The following ADGRV1 variants were observed in gnomAD, a reference collection of about 807,000 sequenced individuals.
ADGRV1 encodes G-protein coupled receptor 98.
In ADGRV1, 359 loss-of-function variants were observed where a neutral mutation model predicts 596.2. That is an observed-to-expected ratio of 0.60 (90% CI 0.55 to 0.66). The LOEUF (loss-of-function observed/expected upper bound fraction) is 0.66, where lower values mean the gene tolerates loss of function less well. Ranked by LOEUF, ADGRV1 falls within the 30% of genes least tolerant of loss-of-function variation. The pLI is 0.00. For missense variants in ADGRV1, 7,274 were observed against 7,575.6 expected (o/e 0.96, Z 1.48); for synonymous variants, 2,681 against 2,679.2 (o/e 1.00, Z -0.02).
At chr5:90,778,173 A>T (rs979296728) in intron 62 of ADGRV1, 130 bp downstream of exon 62, 1 of 1,069,178 alleles carries the variant, frequency 9.4e-7, no homozygotes, top group African/African-American at 1.6e-5. Context: ...GGGAGGAGGT[A>T]AATATTACAG....
intron 59 of ADGRV1, 114 bp from the exon 60 acceptor site, chr5:90,774,072 A>G (rs1757963251): frequency 2.2e-6 from 1 of 446,176 alleles, no homozygotes; most frequent in Admixed American, 4.2e-5. Flanking sequence ...TCTAGTGACA[A>G]AAAAGACACC....
chr5:90,653,673 A>G lies in ADGRV1; in HGVS notation c.4099A>G (p.Thr1367Ala), dbSNP rs1421161904. The change falls in exon 20 of 90, where the codon ACG becomes GCG. Residue 1367 changes from threonine to alanine, a missense_variant. Physicochemically the swap from Thr to Ala is moderately conservative, Grantham distance 58. Around this residue, in one of 5 missense-constraint regions of ADGRV1, gnomAD observed 1,715 missense variants for 1,708.8 expected, o/e 1.00. Transcript: ENST00000405460. ...FSAWVMPNAN[T>A]NGFIIAKDDG... ...AGCTTGGGTAATGCCCAATGCCAATACGAATGGATTCATTATAGCGAAGGA... is the reference window on the plus strand; with the variant it reads ...AGCTTGGGTAATGCCCAATGCCAATGCGAATGGATTCATTATAGCGAAGGA... 1 of 1,613,290 alleles carries G rather than the reference A, an allele frequency of 6.2e-7. No homozygotes were observed. Among genetic ancestry groups the G allele is most frequent in the Non-Finnish European group, 8.5e-7 (1 of 1,179,684 alleles).
At chr5:90,751,774 T>C (rs1390036777) in intron 53 of ADGRV1, among the ~76,000 whole-genome samples, 2 of 152,328 alleles carry the variant, frequency 1.3e-5, no homozygotes, top group Non-Finnish European at 1.5e-5. Flanking sequence ...TCTAGGTTTC[T>C]GTATTATTTC....
At position 90,690,214 on chromosome 5, in the gene ADGRV1, C is replaced by G. The variant is rs1301047897; in HGVS notation, c.6706+138C>G. The G allele has an allele frequency of 1.5e-5, 9 of 608,044 alleles. No homozygotes were observed. In the East Asian group the frequency reaches 2.2e-4, roughly 15 times the overall value. 37.7% of individuals were successfully genotyped at this position (608,044 alleles called of 1,614,324 possible). On this transcript the variant is annotated intron_variant, in intron 30 of 89. Coordinates refer to ENST00000405460, the MANE Select transcript of ADGRV1 (RefSeq NM_032119.4). ...CTGCTGTTACTGACATATAGGACAT[C>G]TGTACACAGTTATTGGCAGTTGTTA...
chr5:91,105,964 AGCCTG>A (rs1204051004), intron 87 of ADGRV1, among the ~76,000 whole-genome samples: 1 of 150,882 alleles, frequency 6.6e-6, no homozygotes, highest in African/African-American at 2.4e-5. Flanking sequence ...TATATTTAAT[AGCCTG>A]TAAAATCTTT....
intron 85 of ADGRV1, among the ~76,000 whole-genome samples, chr5:91,043,660 G>A (rs967129608): frequency 2.0e-5 from 3 of 152,068 alleles, no homozygotes; most frequent in Non-Finnish European, 2.9e-5. Context: ...GATTAAATAA[G>A]TTATTCTAAG....
intron 83 of ADGRV1, among the ~76,000 whole-genome samples, chr5:90,880,643 G>A (rs1769670731): frequency 6.6e-6 from 1 of 152,058 alleles, no homozygotes; most frequent in South Asian, 2.1e-4. Context: ...TCCAGTTTTT[G>A]ATGATTTTTA....
At position 90,774,201 on chromosome 5, in the gene ADGRV1, A is replaced by T. The variant is rs1477205020; in HGVS notation, c.12301A>T (p.Thr4101Ser). 6.2e-7 allele frequency: 1 copy of T among 1,601,706 alleles called. No individual in the cohort carries two copies. The highest frequency in any genetic ancestry group is 8.5e-7 in the Non-Finnish European group (1 of 1,171,054). Residue 4101 changes from threonine to serine, a missense_variant, in exon 60 of 90, where the codon ACC becomes TCC. Transcript: ENST00000405460. ...LHFDETESQK[T>S]IVLHTLQDTV... ...TTGGATGTAGACTGAGTCCCAGAAGACCATTGTGTTGCACACACTTCAAGA... is the reference window on the plus strand; with the variant it reads ...TTGGATGTAGACTGAGTCCCAGAAGTCCATTGTGTTGCACACACTTCAAGA...
Position 90,647,658 on chromosome 5 carries a change from C to A in ADGRV1, c.3183C>A (p.Leu1061=), listed in dbSNP as rs1312718600. ...TTCCTGTTGAAAAAGGAGAAACGCTCATTTTTGAGGTTGGAAGTAGACAGC... is the reference window on the plus strand; with the variant it reads ...TTCCTGTTGAAAAAGGAGAAACGCTAATTTTTGAGGTTGGAAGTAGACAGC... ...DFIPVEKGET[L]IFEVGSRQQS... Residue 1061 remains leucine, a synonymous_variant, in exon 17 of 90, where the codon CTC becomes CTA. Transcript: ENST00000405460. 4 of 1,613,848 alleles carry A rather than the reference C, an allele frequency of 2.5e-6. No homozygotes were observed. The highest frequency in any genetic ancestry group is 3.4e-6 in the Non-Finnish European group (4 of 1,179,870).
At chr5:90,964,250 AT>A (rs1778263018) in intron 83 of ADGRV1, among the ~76,000 whole-genome samples, 1 of 152,180 alleles carries the variant, frequency 6.6e-6, no homozygotes, top group Non-Finnish European at 1.5e-5. Flanking sequence ...CATTAAAAGC[AT>A]TCATGTTTTC....
In ADGRV1 at chr5:90,706,236, A is replaced by G. The variant is rs41308297; in HGVS notation, c.8572A>G (p.Ile2858Val). Residue 2858 changes from isoleucine to valine, a missense_variant, in exon 38 of 90, where the codon ATC becomes GTC. Ile to Val is a conservative substitution (Grantham distance 29, BLOSUM62 3). This residue lies in a region of ADGRV1 where 3,643 missense variants were observed against 3,809.2 expected (regional missense o/e 0.96). Transcript: ENST00000405460. ...TTTGCAACCTATTCAATTAGGAGCTATCAATGTCACATATACCACGGTTCC... is the reference window on the plus strand; with the variant it reads ...TTTGCAACCTATTCAATTAGGAGCTGTCAATGTCACATATACCACGGTTCC... ...INREFGSLGA[I>V]NVTYTTVPGM... The G allele has an allele frequency of 1.8e-3, 2,902 of 1,605,208 alleles. 7 individuals carry two copies. The highest frequency in any genetic ancestry group is 2.3e-3 in the Non-Finnish European group (2,666 of 1,177,356).
chr5:90,970,733 G>C (rs1778894935), intron 84 of ADGRV1, among the ~76,000 whole-genome samples: 2 of 152,088 alleles, frequency 1.3e-5, no homozygotes, highest in South Asian at 4.2e-4. Flanking sequence ...ACCAAAGGTA[G>C]ATAAAACCAC....
intron 70 of ADGRV1, 93 bp downstream of exon 70, chr5:90,791,439 A>G: frequency 1.0e-6 from 1 of 964,486 alleles, no homozygotes; most frequent in Non-Finnish European, 1.5e-6. Context: ...AATCTTATTC[A>G]GGTATTTAAA....
intron 70 of ADGRV1, 150 bp from the exon 71 acceptor site, chr5:90,802,589 G>A: frequency 1.6e-6 from 1 of 637,168 alleles, no homozygotes; most frequent in South Asian, 2.1e-5. Flanking sequence ...CTACATACTG[G>A]TGGTTTGTTT....
chr5:90,971,382 C>T (rs932731966), intron 84 of ADGRV1, among the ~76,000 whole-genome samples: 1 of 151,974 alleles, frequency 6.6e-6, no homozygotes. Flanking sequence ...AAAAGCAACT[C>T]GAAGACACAT....
intron 83 of ADGRV1, among the ~76,000 whole-genome samples, chr5:90,928,604 G>A (rs1774794015): frequency 6.7e-6 from 1 of 150,000 alleles, no homozygotes; most frequent in Non-Finnish European, 1.5e-5. Context: ...AGAGTAATTT[G>A]ATCGTCTGAA....
intron 72 of ADGRV1, among the ~76,000 whole-genome samples, chr5:90,807,161 T>A (rs115451428): frequency 1.4e-3 from 210 of 152,308 alleles, no homozygotes; most frequent in African/African-American, 5.0e-3. Context: ...TTGACTAGAT[T>A]TAATAGTTGT....
chr5:90,672,424 C>G (rs1772613689), intron 21 of ADGRV1, 122 bp from the exon 22 acceptor site: 2 of 718,040 alleles, frequency 2.8e-6, no homozygotes, highest in Non-Finnish European at 4.5e-6. Context: ...TCGTTAGTCC[C>G]TTTTAGAGAG....
intron 50 of ADGRV1, among the ~76,000 whole-genome samples, chr5:90,741,718 C>G (rs907956114): frequency 3.3e-5 from 5 of 152,044 alleles, no homozygotes; most frequent in African/African-American, 1.2e-4. Flanking sequence ...TGTGAGGTCT[C>G]TTTATTTCTT....
Sources: gnomAD v4.1 joint callset for allele counts (sites outside exome capture counted in the v4.1 genomes callset) on GRCh38, gnomAD v4.1.1 for gene constraint, gnomAD v4.1.1 regional missense constraint, MANE v1.5 for transcripts, NCBI Gene and HGNC (gene_info 2026-07-23, HGNC 2026-07-21) for gene names.